The following AIG1 variants were observed in gnomAD, a reference collection of about 807,000 sequenced individuals.
AIG1 encodes the protein androgen-induced gene 1 protein.
In AIG1, 23 loss-of-function variants were observed where a neutral mutation model predicts 31.4. The observed-to-expected ratio is 0.73, with a 90% confidence interval of 0.53 to 1.04. The LOEUF (loss-of-function observed/expected upper bound fraction) is 1.04. Among genes scored for constraint, AIG1 ranks in the 50% least tolerant of loss-of-function variants. AIG1 has a pLI of 0.00. For missense variants in AIG1, 274 were observed against 295.0 expected (o/e 0.93, Z 0.52); for synonymous variants, 100 against 110.5 (o/e 0.90, Z 0.60).
At chr6:143,117,264 G>A (rs1583228556) in intron 1 of AIG1, among the ~76,000 whole-genome samples, 1 of 152,048 alleles carries the variant, frequency 6.6e-6, no homozygotes, top group Admixed American at 6.5e-5. Context: ...AGGGCCTGTG[G>A]GACATGTTGA....
intron 3 of AIG1, among the ~76,000 whole-genome samples, chr6:143,223,937 A>T (rs898954520): frequency 7.2e-5 from 11 of 152,178 alleles, no homozygotes; most frequent in Admixed American, 2.6e-4. Context: ...TGTTGATTTT[A>T]AAATTGCAAA....
intron 3 of AIG1, among the ~76,000 whole-genome samples, chr6:143,234,719 G>A (rs1333580213): frequency 6.6e-6 from 1 of 152,146 alleles, no homozygotes; most frequent in Non-Finnish European, 1.5e-5. Flanking sequence ...CACAGATGCT[G>A]ATTAGGATAT....
intron 3 of AIG1, among the ~76,000 whole-genome samples, chr6:143,270,297 A>G (rs1407487782): frequency 1.3e-5 from 2 of 152,212 alleles, no homozygotes; most frequent in African/African-American, 2.4e-5. Flanking sequence ...AGAATCATCC[A>G]GGCAGCCTAA....
chr6:143,289,143 G>A (rs757858785), intron 4 of AIG1, among the ~76,000 whole-genome samples: 1 of 152,070 alleles, frequency 6.6e-6, no homozygotes, highest in Non-Finnish European at 1.5e-5. Flanking sequence ...ATCCAGGAAG[G>A]TCCTGGCTGT....
intron 3 of AIG1, among the ~76,000 whole-genome samples, chr6:143,250,074 C>T (rs931267406): frequency 6.6e-6 from 1 of 152,188 alleles, no homozygotes; most frequent in African/African-American, 2.4e-5. Flanking sequence ...GTGGCCTGCC[C>T]GGAGCAAGGC....
intron 1 of AIG1, among the ~76,000 whole-genome samples, chr6:143,124,387 G>C (rs1407393968): frequency 6.6e-6 from 1 of 152,150 alleles, no homozygotes; most frequent in Non-Finnish European, 1.5e-5. Flanking sequence ...CACAGCCCCA[G>C]CCTGTTCCGG....
At chr6:143,110,225 A>G (rs547625724) in intron 1 of AIG1, among the ~76,000 whole-genome samples, 1 of 152,298 alleles carries the variant, frequency 6.6e-6, no homozygotes, top group South Asian at 2.1e-4. Flanking sequence ...TCCGATGACT[A>G]TAACTGTAAA....
At chr6:143,289,335 A>G (rs1252511614) in intron 4 of AIG1, among the ~76,000 whole-genome samples, 1 of 152,164 alleles carries the variant, frequency 6.6e-6, no homozygotes, top group Non-Finnish European at 1.5e-5. Flanking sequence ...TTATTGCCCC[A>G]AAGAGTTTGT....
intron 1 of AIG1, among the ~76,000 whole-genome samples, chr6:143,135,405 T>C (rs1237307349): frequency 1.3e-5 from 2 of 152,166 alleles, no homozygotes; most frequent in Non-Finnish European, 1.5e-5. Flanking sequence ...TTTCTAAGTA[T>C]GAAATTATTC....
chr6:143,255,584 G>A (rs940708974), intron 3 of AIG1, among the ~76,000 whole-genome samples: 5 of 152,124 alleles, frequency 3.3e-5, no homozygotes, highest in Non-Finnish European at 7.4e-5. Context: ...CACTGTGGGG[G>A]TTAATGCTTC....
At chr6:143,080,089 C>G (rs1778086007) in intron 1 of AIG1, among the ~76,000 whole-genome samples, 1 of 152,090 alleles carries the variant, frequency 6.6e-6, no homozygotes, top group Non-Finnish European at 1.5e-5. Context: ...CCTAGGAATT[C>G]TTAGTCAGCC....
At chr6:143,307,649 G>A (rs1159800352) in intron 4 of AIG1, among the ~76,000 whole-genome samples, 3 of 152,164 alleles carry the variant, frequency 2.0e-5, no homozygotes, top group African/African-American at 4.8e-5. Flanking sequence ...GGGGGTCAGG[G>A]GTCAGGGACC....
chr6:143,289,449 T>C (rs1797904991), intron 4 of AIG1, among the ~76,000 whole-genome samples: 2 of 152,170 alleles, frequency 1.3e-5, no homozygotes, highest in Non-Finnish European at 2.9e-5. Flanking sequence ...TGCCTTCCCC[T>C]AATGGCTGTG....
rs925088893 is a variant in AIG1 at position 143,331,628 on chromosome 6, A to T, written c.516-1654A>T. ...TACTGATGTGTTTCTATATACATAT[A>T]TGTACATCTGTGTGTGTGTATATAT... is the stretch of plus-strand genomic sequence containing the variant. On this transcript the variant is annotated intron_variant, in intron 4 of 5. Transcript: ENST00000357847. This position sits in a 1 kb window ranked among gnomAD's most constrained non-coding sequence, Gnocchi z 4.1. Among the ~76,000 whole-genome samples, 3 of 151,942 alleles carry T rather than the reference A, an allele frequency of 2.0e-5. No homozygotes were observed. Among genetic ancestry groups the T allele is most frequent in the Admixed American group, 6.6e-5 (1 of 15,248 alleles).
intron 1 of AIG1, among the ~76,000 whole-genome samples, chr6:143,128,071 G>C (rs1782854959): frequency 6.6e-6 from 1 of 152,164 alleles, no homozygotes. Context: ...TATGTTTTAG[G>C]AATAAATGGT....
chr6:143,287,445 C>T (rs1419579458), intron 4 of AIG1, among the ~76,000 whole-genome samples: 2 of 152,138 alleles, frequency 1.3e-5, no homozygotes, highest in African/African-American at 2.4e-5. Context: ...GCCAGAACTA[C>T]GGTGCAAGCC....
chr6:143,319,084 A>G (rs1775994053), intron 4 of AIG1, among the ~76,000 whole-genome samples: 1 of 152,210 alleles, frequency 6.6e-6, no homozygotes, highest in Non-Finnish European at 1.5e-5. Flanking sequence ...TTAAAGAACT[A>G]AAAGTAGATC....
intron 3 of AIG1, among the ~76,000 whole-genome samples, chr6:143,201,654 C>T (rs530126518): frequency 7.2e-5 from 11 of 152,306 alleles, no homozygotes; most frequent in African/African-American, 2.6e-4. Context: ...ATTAGAAATC[C>T]ACCAGTGTGG....
At chr6:143,236,958 C>T (rs776665370) in intron 3 of AIG1, among the ~76,000 whole-genome samples, 4 of 152,012 alleles carry the variant, frequency 2.6e-5, no homozygotes, top group Non-Finnish European at 4.4e-5. Flanking sequence ...CACAGAAACC[C>T]AGTGAAGGAG....
Sources: gnomAD v4.1 joint callset for allele counts (sites outside exome capture counted in the v4.1 genomes callset) on GRCh38, gnomAD v4.1.1 for gene constraint, Gnocchi (gnomAD v3.1) non-coding constraint, MANE v1.5 for transcripts, NCBI Gene and HGNC (gene_info 2026-07-23, HGNC 2026-07-21) for gene names.